Variants in RAPGEF2 observed in about 807,000 individuals in gnomAD.
RAPGEF2 encodes the protein PDZ domain containing guanine nucleotide exchange factor (GEF) 1.
RAPGEF2 carries 54 observed loss-of-function variants against 186.7 expected under a neutral mutation model. The observed-to-expected ratio is 0.29, with a 90% confidence interval of 0.23 to 0.36. RAPGEF2 has a LOEUF of 0.36. Ranked by LOEUF, RAPGEF2 falls within the 10% of genes least tolerant of loss-of-function variation. The pLI is 1.00. For synonymous variants in RAPGEF2, 712 were observed against 705.9 expected (o/e 1.01, Z -0.14); for missense variants, 1,532 against 2,045.0 (o/e 0.75, Z 4.84).
At chr4:159,320,480 G>A (rs910764477) in intron 9 of RAPGEF2, among the ~76,000 whole-genome samples, 2 of 152,086 alleles carry the variant, frequency 1.3e-5, no homozygotes, top group African/African-American at 4.8e-5. Context: ...AAAAAATACT[G>A]GTAGCAAAAG....
rs1737498932 is a variant in RAPGEF2 at position 159,104,081 on chromosome 4, C to T, written c.-82C>T. Reference sequence around the variant, plus strand: ...CGGGCGGGCGGGCGGGCGCAGCGCGCAGGGCGGAGGCAGCAGCGGCGCTGG... The same window carrying T: ...CGGGCGGGCGGGCGGGCGCAGCGCGTAGGGCGGAGGCAGCAGCGGCGCTGG... On this transcript the variant is annotated 5_prime_UTR_variant, in exon 1 of 30. Coordinates refer to ENST00000691494, the MANE Select transcript of RAPGEF2 (RefSeq NM_001394067.2). 1.2e-6 allele frequency: 1 copy of T among 853,422 alleles called. No individual in the cohort carries two copies. The highest frequency in any genetic ancestry group is 1.5e-6 in the Non-Finnish European group (1 of 663,190). The allele number at this position is 853,422 out of a possible 1,614,324, so 52.9% of individuals were successfully genotyped here.
intron 7 of RAPGEF2, among the ~76,000 whole-genome samples, chr4:159,255,595 A>C (rs1756064705): frequency 6.6e-6 from 1 of 152,156 alleles, no homozygotes; most frequent in Admixed American, 6.5e-5. Context: ...CAACTCCTCA[A>C]ATCTGAAATG....
intron 4 of RAPGEF2, among the ~76,000 whole-genome samples, chr4:159,212,429 CAT>C (rs1750623403): frequency 6.6e-6 from 1 of 152,074 alleles, no homozygotes; most frequent in South Asian, 2.1e-4. Flanking sequence ...AGAGAAGAAA[CAT>C]TATCAGCTAA....
At chr4:159,130,532 T>G (rs1404792002) in intron 1 of RAPGEF2, among the ~76,000 whole-genome samples, 1 of 152,090 alleles carries the variant, frequency 6.6e-6, no homozygotes, top group African/African-American at 2.4e-5. Context: ...TTTATTCAAA[T>G]TTCTCTGCTA....
chr4:159,322,381 T>C lies in RAPGEF2; in HGVS notation c.888T>C (p.Ala296=). The change falls in exon 10 of 30, where the codon GCT becomes GCC. Residue 296 remains alanine (A), a synonymous_variant. Transcript: ENST00000691494. ...QLLEFMHQLP[A]FANMTMSVRR... The stretch of plus-strand genomic sequence containing the variant: ...TGGAATTTATGCACCAGTTGCCTGC[T>C]TTTGCCAATATGACAATGTCAGTGA... 1 of 1,613,974 alleles carries C rather than the reference T, an allele frequency of 6.2e-7. No homozygotes were observed. Among genetic ancestry groups the C allele is most frequent in the Non-Finnish European group, 8.5e-7 (1 of 1,179,884 alleles).
chr4:159,345,930 T>C (rs1250606211), intron 24 of RAPGEF2, among the ~76,000 whole-genome samples: 2 of 152,148 alleles, frequency 1.3e-5, no homozygotes, highest in Admixed American at 6.5e-5. Context: ...GTGTCTTTTA[T>C]GGGCAGGTTT....
At chr4:159,354,356 G>A (rs1731649463) in intron 28 of RAPGEF2, among the ~76,000 whole-genome samples, 1 of 152,060 alleles carries the variant, frequency 6.6e-6, no homozygotes, top group Admixed American at 6.6e-5. Flanking sequence ...TGAAAATCAG[G>A]ATGGATTCCT....
At chr4:159,299,260 C>T (rs1000371971) in intron 7 of RAPGEF2, among the ~76,000 whole-genome samples, 107 of 152,180 alleles carry the variant, frequency 7.0e-4, no homozygotes, top group Non-Finnish European at 2.4e-4. Flanking sequence ...AAACCTTGTG[C>T]ATTCTGTTAT....
chr4:159,173,739 G>A (rs1746153265), intron 1 of RAPGEF2, among the ~76,000 whole-genome samples: 1 of 152,182 alleles, frequency 6.6e-6, no homozygotes, highest in African/African-American at 2.4e-5. Flanking sequence ...TGTTCTCTGT[G>A]TGTATACGCA....
chr4:159,186,568 G>A, intron 1 of RAPGEF2, 74 bp from the exon 2 acceptor site: 2 of 693,958 alleles, frequency 2.9e-6, no homozygotes, highest in Non-Finnish European at 4.6e-6. Flanking sequence ...TTGGTTTGTA[G>A]ATACAGTGTG....
chr4:159,106,129 C>T (rs1737850693), intron 1 of RAPGEF2, among the ~76,000 whole-genome samples: 1 of 152,218 alleles, frequency 6.6e-6, no homozygotes, highest in Non-Finnish European at 1.5e-5. Context: ...TGGCCTGGGC[C>T]AGCTACTACT....
intron 7 of RAPGEF2, among the ~76,000 whole-genome samples, chr4:159,284,400 G>A (rs1760150172): frequency 6.6e-6 from 1 of 151,600 alleles, no homozygotes; most frequent in African/African-American, 2.4e-5. Flanking sequence ...AGCACCTTAA[G>A]AATTTTTCCT....
intron 1 of RAPGEF2, among the ~76,000 whole-genome samples, chr4:159,128,627 A>G (rs573156621): frequency 3.3e-5 from 5 of 151,850 alleles, no homozygotes; most frequent in African/African-American, 1.2e-4. Flanking sequence ...ATGCAGGTTA[A>G]TACTTATATG....
intron 1 of RAPGEF2, among the ~76,000 whole-genome samples, chr4:159,122,885 G>A (rs1739860427): frequency 6.6e-6 from 1 of 152,178 alleles, no homozygotes. Flanking sequence ...AAGTTGAATT[G>A]CTTGCTGTGT....
chr4:159,346,720 A>T (rs1730362811), intron 24 of RAPGEF2, 69 bp from the exon 25 acceptor site: 2 of 1,307,638 alleles, frequency 1.5e-6, no homozygotes, highest in Non-Finnish European at 2.2e-6. Context: ...ACAGTTCTAG[A>T]ATTATCTTCT....
At chr4:159,135,398 T>C (rs950980221) in intron 1 of RAPGEF2, among the ~76,000 whole-genome samples, 9 of 152,156 alleles carry the variant, frequency 5.9e-5, no homozygotes, top group African/African-American at 2.2e-4. Context: ...GATAATACTA[T>C]GTTTTGTGTA....
At chr4:159,180,841 A>C (rs1331685536) in intron 1 of RAPGEF2, among the ~76,000 whole-genome samples, 1 of 152,206 alleles carries the variant, frequency 6.6e-6, no homozygotes, top group Non-Finnish European at 1.5e-5. Flanking sequence ...TCTATTTCCC[A>C]GTTTTATGAT....
chr4:159,330,159 G>A (rs954496338), intron 12 of RAPGEF2, 149 bp downstream of exon 12: 6 of 861,658 alleles, frequency 7.0e-6, no homozygotes, highest in South Asian at 1.8e-5. Context: ...CTAGTGAATA[G>A]CAGTTTCATT....
chr4:159,343,886 A>G (rs1441914808), intron 22 of RAPGEF2, 150 bp from the exon 23 acceptor site: 4 of 680,760 alleles, frequency 5.9e-6, no homozygotes, highest in Non-Finnish European at 9.8e-6. Context: ...ATTTCTAGTA[A>G]AGTTGCGTGT....
Sources: gnomAD v4.1 joint callset for allele counts (sites outside exome capture counted in the v4.1 genomes callset) on GRCh38, gnomAD v4.1.1 for gene constraint, MANE v1.5 for transcripts, NCBI Gene and HGNC (gene_info 2026-07-23, HGNC 2026-07-21) for gene names.